Variants in IL1RAPL2 observed in about 807,000 individuals in gnomAD.
IL1RAPL2 encodes X-linked interleukin-1 receptor accessory protein-like 2.
Under a neutral mutation model 44.1 loss-of-function variants are expected in IL1RAPL2, and 3 were observed. The ratio of observed to expected loss-of-function variants is 0.07; its 90% CI spans 0.03 to 0.18. IL1RAPL2 has a LOEUF of 0.18. Ranked by LOEUF, IL1RAPL2 falls within the 10% of genes least tolerant of loss-of-function variation. IL1RAPL2 has a pLI of 1.00. For missense variants in IL1RAPL2, 391 were observed against 496.4 expected (o/e 0.79, Z 2.02); for synonymous variants, 181 against 178.8 (o/e 1.01, Z -0.10).
At chrX:105,231,824 A>C (rs782632780) in intron 3 of IL1RAPL2, among the ~76,000 whole-genome samples, 2 of 112,084 alleles carry the variant, frequency 1.8e-5, no homozygotes, top group South Asian at 7.5e-4. Context: ...GTATCAAGCA[A>C]GGAGACTTGG....
intron 2 of IL1RAPL2, among the ~76,000 whole-genome samples, chrX:104,943,352 C>T (rs185060715): frequency 1.8e-4 from 20 of 111,879 alleles, no homozygotes; most frequent in Non-Finnish European, 3.6e-4. Context: ...ACCAACTTGA[C>T]TACACCTTGT....
chrX:104,983,589 ATAT>A (rs1302584777), intron 2 of IL1RAPL2, among the ~76,000 whole-genome samples: 1 of 90,359 alleles, frequency 1.1e-5, no homozygotes, highest in Non-Finnish European at 2.1e-5. Context: ...ATAATATATA[ATAT>A]ATTATATGCA....
chrX:105,136,837 G>T (rs1473891445), intron 2 of IL1RAPL2, among the ~76,000 whole-genome samples: 2 of 112,294 alleles, frequency 1.8e-5, no homozygotes, highest in Non-Finnish European at 3.8e-5. Flanking sequence ...ATGTTAGCTT[G>T]TAAAATGAGA....
chrX:105,553,743 T>C (rs909143364), intron 6 of IL1RAPL2, among the ~76,000 whole-genome samples: 1 of 112,448 alleles, frequency 8.9e-6, no homozygotes, highest in African/African-American at 3.2e-5. Flanking sequence ...TATTGCTCTC[T>C]TAGTCTTGAA....
chrX:104,807,223 C>T (rs1242836778), intron 2 of IL1RAPL2, among the ~76,000 whole-genome samples: 1 of 111,230 alleles, frequency 9.0e-6, no homozygotes, highest in Admixed American at 9.6e-5. Flanking sequence ...TTAATCCTTT[C>T]CTGTTACTTC....
chrX:105,041,558 T>A (rs947295377), intron 2 of IL1RAPL2, among the ~76,000 whole-genome samples: 6 of 110,193 alleles, frequency 5.4e-5, no homozygotes, highest in African/African-American at 2.0e-4. Context: ...TACAAACCAC[T>A]GCTCAACGAA....
intron 2 of IL1RAPL2, among the ~76,000 whole-genome samples, chrX:104,832,010 T>TC (rs1921623249): frequency 9.0e-6 from 1 of 111,584 alleles, no homozygotes; most frequent in Non-Finnish European, 1.9e-5. Context: ...AATTTTTTTT[T>TC]CAAGAGTATC....
intron 2 of IL1RAPL2, among the ~76,000 whole-genome samples, chrX:105,009,804 TTTG>T: frequency 9.0e-6 from 1 of 110,843 alleles, no homozygotes; most frequent in Non-Finnish European, 1.9e-5. Context: ...GTAATACTGT[TTTG>T]TTAGGTGTAA....
At chrX:104,601,079 G>T (rs899006262) in intron 1 of IL1RAPL2, among the ~76,000 whole-genome samples, 5 of 111,506 alleles carry the variant, frequency 4.5e-5, no homozygotes, top group Non-Finnish European at 9.4e-5. Flanking sequence ...AGTAAATCCA[G>T]TTTTATGCTA....
intron 5 of IL1RAPL2, among the ~76,000 whole-genome samples, chrX:105,268,227 C>A (rs929374967): frequency 9.0e-6 from 1 of 111,155 alleles, no homozygotes; most frequent in African/African-American, 3.3e-5. Context: ...ACAAAAAAAT[C>A]TACTTACTAT....
At chrX:104,976,204 C>A (rs2030331448) in intron 2 of IL1RAPL2, among the ~76,000 whole-genome samples, 1 of 111,386 alleles carries the variant, frequency 9.0e-6, no homozygotes, top group Admixed American at 9.6e-5. Flanking sequence ...TGAATTTGCT[C>A]CAATAGCTTA....
chrX:105,086,799 A>T (rs1569379257), intron 2 of IL1RAPL2, among the ~76,000 whole-genome samples: 1 of 110,476 alleles, frequency 9.1e-6, no homozygotes, highest in Non-Finnish European at 1.9e-5. Flanking sequence ...ATAAATAATT[A>T]AAAAATAAAT....
intron 2 of IL1RAPL2, among the ~76,000 whole-genome samples, chrX:105,165,021 C>T (rs1212426473): frequency 3.6e-5 from 4 of 111,562 alleles, no homozygotes; most frequent in African/African-American, 9.8e-5. Context: ...TAAACCTGAA[C>T]TCTTCATCCT....
At chrX:104,952,916 G>A (rs1653250740) in intron 2 of IL1RAPL2, among the ~76,000 whole-genome samples, 1 of 112,306 alleles carries the variant, frequency 8.9e-6, no homozygotes, top group African/African-American at 3.2e-5. Context: ...ATTCATTTAT[G>A]TCTAGTGTCA....
At position 104,663,528 on chromosome X, in the gene IL1RAPL2, C is replaced by T. The variant is rs149874584; in HGVS notation, c.82+4533C>T. On this transcript the variant is annotated intron_variant, in intron 2 of 10. Transcript: ENST00000372582. Reference sequence around the variant, plus strand: ...AAAATCAACAATGTGATATTGAGATCTCATCTCCTAAATGTATTCTAATGA... The same window carrying T: ...AAAATCAACAATGTGATATTGAGATTTCATCTCCTAAATGTATTCTAATGA... Among the ~76,000 whole-genome samples, 28 of 110,321 alleles carry T rather than the reference C, an allele frequency of 2.5e-4. 2 individuals are homozygous for T. In the East Asian group the frequency reaches 6.3e-3, roughly 25 times the overall value.
At chrX:104,588,085 C>G (rs901788508) in intron 1 of IL1RAPL2, among the ~76,000 whole-genome samples, 1 of 111,648 alleles carries the variant, frequency 9.0e-6, no homozygotes. Context: ...GTTCTTAGCC[C>G]ATGCTGCGTA....
intron 5 of IL1RAPL2, among the ~76,000 whole-genome samples, chrX:105,388,022 C>T (rs1305465005): frequency 9.4e-6 from 1 of 106,160 alleles, no homozygotes; most frequent in East Asian, 3.0e-4. Context: ...GTGGCACATG[C>T]CTGTGATCCC....
At chrX:105,179,563 C>A (rs1467853349) in intron 2 of IL1RAPL2, among the ~76,000 whole-genome samples, 3 of 111,835 alleles carry the variant, frequency 2.7e-5, no homozygotes, top group Non-Finnish European at 5.6e-5. Context: ...TATATTGAAT[C>A]TGTAGATTGC....
intron 6 of IL1RAPL2, among the ~76,000 whole-genome samples, chrX:105,652,049 A>G (rs890670820): frequency 8.9e-6 from 1 of 111,791 alleles, no homozygotes; most frequent in Non-Finnish European, 1.9e-5. Context: ...CAGTAATTTT[A>G]AGGCAGGGGG....
Sources: gnomAD v4.1 joint callset for allele counts (sites outside exome capture counted in the v4.1 genomes callset) on GRCh38, gnomAD v4.1.1 for gene constraint, MANE v1.5 for transcripts, NCBI Gene and HGNC (gene_info 2026-07-23, HGNC 2026-07-21) for gene names.